TNFRSF18: variants seen among roughly 807,000 people sequenced by gnomAD.
TNFRSF18 encodes TNF receptor superfamily member 18.
Under a neutral mutation model 30.2 loss-of-function variants are expected in TNFRSF18, and 36 were observed. The ratio of observed to expected loss-of-function variants is 1.19; its 90% CI spans 0.91 to 1.58. The LOEUF (loss-of-function observed/expected upper bound fraction) is 1.58, where lower values mean the gene tolerates loss of function less well. TNFRSF18 is among the 40% of genes most tolerant of loss of function. TNFRSF18 has a pLI of 0.00. For synonymous variants in TNFRSF18, 173 were observed against 158.3 expected (o/e 1.09, Z -0.70); for missense variants, 369 against 345.4 (o/e 1.07, Z -0.54).
At chr1:1,205,338 T>C (rs1409444365) in intron 2 of TNFRSF18, 32 bp downstream of exon 2, 15 of 1,601,484 alleles carry the variant, frequency 9.4e-6, no homozygotes, top group Non-Finnish European at 1.3e-5. Flanking sequence ...CCCTGGCCTG[T>C]GTGGACTCCC....
chr1:1,206,130 C>G (rs1648812971), intron 1 of TNFRSF18, among the ~76,000 whole-genome samples: 1 of 152,202 alleles, frequency 6.6e-6, no homozygotes, highest in Admixed American at 6.5e-5. Flanking sequence ...CCTCCAGACC[C>G]CAGACCCCTC....
chr1:1,204,167 C>T lies in TNFRSF18; in HGVS notation c.468G>A (p.Gly156=), dbSNP rs201433455. 7.4e-5 allele frequency: 120 copies of T among 1,611,972 alleles called. No individual in the cohort carries two copies. The East Asian group carries it at 1.6e-3, about 22-fold the overall frequency. ...ACCCAAGCGGCTCTGCCGGCGGGGA[C>T]CCTGGGACGCACACAGCGTTGTGGG... ...NKTHNAVCVP[G]SPPAEPLGWL... The change falls in exon 4 of 5, where the codon GGG becomes GGA. Residue 156 remains glycine, a synonymous_variant. Transcript: ENST00000379268.
intron 2 of TNFRSF18, 129 bp downstream of exon 2, chr1:1,205,241 C>T (rs1267519695): frequency 1.7e-5 from 24 of 1,400,196 alleles, no homozygotes; most frequent in South Asian, 2.6e-5. Context: ...CTGGCCTGCC[C>T]GGCCTCACAG....
Position 1,206,392 on chromosome 1 carries a change from A to T in TNFRSF18, c.180T>A (p.Asp60Glu). Residue 60 changes from aspartate (D) to glutamate (E), a missense_variant, in exon 1 of 5, where the codon GAT becomes GAA. Coordinates refer to ENST00000379268, the MANE Select transcript of TNFRSF18 (RefSeq NM_004195.3). ...CRVHTTRCCRDYPGEECCSEW... is the reference protein window; with the variant it reads ...CRVHTTRCCREYPGEECCSEW... ...TAAACGCGGTTTACTTACCCGGGTA[A>T]TCGCGGCAGCAGCGCGTCGTGTGAA... 6.5e-7 allele frequency: 1 copy of T among 1,546,946 alleles called. No individual in the cohort carries two copies. The highest frequency in any genetic ancestry group is 8.7e-7 in the Non-Finnish European group (1 of 1,146,096).
chr1:1,206,354 G>T (rs543105921), intron 1 of TNFRSF18, 31 bp downstream of exon 1: 2 of 1,542,306 alleles, frequency 1.3e-6, no homozygotes, highest in South Asian at 1.2e-5. Context: ...CGCCTTGGCC[G>T]GTCCGCGTTA....
In TNFRSF18 at chr1:1,204,140, C is replaced by A; in HGVS notation, c.495G>T (p.Trp165Cys). The change falls in exon 4 of 5, where the codon TGG becomes TGT. Residue 165 changes from tryptophan to cysteine, a missense_variant. Trp to Cys is a radical substitution (Grantham distance 215, BLOSUM62 -2). Coordinates refer to ENST00000379268, the MANE Select transcript of TNFRSF18 (RefSeq NM_004195.3). ...PGSPPAEPLG[W>C]LTVVLLAVAA... ...CCACGGCCAGGAGGACGACGGTCAG[C>A]CACCCAAGCGGCTCTGCCGGCGGGG... 1 of 1,611,978 alleles carries A rather than the reference C, an allele frequency of 6.2e-7. No homozygotes were observed.
chr1:1,205,335 C>G, intron 2 of TNFRSF18, 35 bp downstream of exon 2: 2 of 1,599,982 alleles, frequency 1.3e-6, no homozygotes, highest in Non-Finnish European at 1.7e-6. Flanking sequence ...AACCCCTGGC[C>G]TGTGTGGACT....
Position 1,204,498 on chromosome 1 carries a change from TGTGGGGG to T in TNFRSF18, c.311-19_311-13del. 3.1e-6 allele frequency: 2 copies of T among 649,230 alleles called. No homozygotes were observed. Among genetic ancestry groups the T allele is most frequent in the Non-Finnish European group, 5.2e-6 (2 of 383,702 alleles). The allele number at this position is 649,230 out of a possible 1,614,324, so 40.2% of individuals were successfully genotyped here. ...AAAACTGAATTTCCCTGGTGTGGGG[TGTGGGGG>T]GAGGGAGGGAGGGAGGCTGGTGGAG... On this transcript the variant is annotated splice_polypyrimidine_tract_variant and intron_variant, in intron 2 of 4. Coordinates refer to ENST00000379268, the MANE Select transcript of TNFRSF18 (RefSeq NM_004195.3).
In TNFRSF18 at chr1:1,205,633, G is replaced by C. The variant is rs941419695; in HGVS notation, c.188-141C>G. The C allele has an allele frequency of 3.5e-6, 3 of 859,702 alleles. No homozygotes were observed. In the Admixed American group the frequency reaches 8.5e-5, roughly 24 times the overall value. The allele number at this position is 859,702 out of a possible 1,614,324, so 53.3% of individuals were successfully genotyped here. ...CAGGGAGCAGAGGGCTCCTGGCTGG[G>C]AGTCTGGACCCTGGGTTTATCCAGC... On this transcript the variant is annotated intron_variant, in intron 1 of 4. Coordinates refer to ENST00000379268, the MANE Select transcript of TNFRSF18 (RefSeq NM_004195.3).
At position 1,204,022 on chromosome 1, in the gene TNFRSF18, G is replaced by T. The variant is rs1648674638; in HGVS notation, c.601+12C>A. ...CCATGCTCCCACCTCCCCGCACCAG[G>T]CTGTGACAGACCTCGGGGCCACATG... is the stretch of plus-strand genomic sequence containing the variant. On this transcript the variant is annotated intron_variant, in intron 4 of 4. Transcript: ENST00000379268. 6.2e-7 allele frequency: 1 copy of T among 1,608,214 alleles called. No homozygotes were observed. The highest frequency in any genetic ancestry group is 1.1e-5 in the South Asian group (1 of 90,386).
In TNFRSF18 at chr1:1,203,664, G is replaced by T. The variant is rs901976461; in HGVS notation, c.*180C>A. On this transcript the variant is annotated 3_prime_UTR_variant, in exon 5 of 5. Coordinates refer to ENST00000379268, the MANE Select transcript of TNFRSF18 (RefSeq NM_004195.3). Reference sequence around the variant, plus strand: ...CTGTGTCTCTCTCTCCCTCCTGCAGGGCCCAGCCGCGGCCGCCGAACTGCA... The same window carrying T: ...CTGTGTCTCTCTCTCCCTCCTGCAGTGCCCAGCCGCGGCCGCCGAACTGCA... 4 of 1,549,186 alleles carry T rather than the reference G, an allele frequency of 2.6e-6. No individual in the cohort carries two copies. Among genetic ancestry groups the T allele is most frequent in the Non-Finnish European group, 2.6e-6 (3 of 1,155,496 alleles).
At position 1,204,433 on chromosome 1, in the gene TNFRSF18, C is replaced by G. The variant is rs371599555; in HGVS notation, c.364G>C (p.Gly122Arg). The stretch of plus-strand genomic sequence containing the variant: ...GGTTTGCAGTGGCCTTCGTGGCCCC[C>G]GGAGAAGGTCCCCGAGGCACAGTCG... ...CIDCASGTFS[G>R]GHEGHCKPWT... is the part of the protein sequence containing the mutation. Residue 122 changes from glycine to arginine, a missense_variant, in exon 3 of 5, where the codon GGG becomes CGG. Physicochemically the swap from Gly to Arg is moderately radical, Grantham distance 125 (BLOSUM62 -2). Transcript: ENST00000379268. The G allele has an allele frequency of 5.9e-6, 9 of 1,523,622 alleles. No individual in the cohort carries two copies. Among genetic ancestry groups the G allele is most frequent in the Non-Finnish European group, 8.0e-6 (9 of 1,123,084 alleles). 94.4% of individuals were successfully genotyped at this position (1,523,622 alleles called of 1,614,324 possible).
intron 2 of TNFRSF18, 122 bp from the exon 3 acceptor site, chr1:1,204,608 C>A: frequency 1.4e-6 from 1 of 730,768 alleles, no homozygotes; most frequent in Non-Finnish European, 2.4e-6. Context: ...GAATGCCCCC[C>A]CCATCATCCA....
In TNFRSF18 at chr1:1,203,988, A is replaced by G. The variant is rs773956751; in HGVS notation, c.602-20T>C. 2.5e-6 allele frequency: 4 copies of G among 1,606,870 alleles called. No homozygotes were observed. In the South Asian group the frequency reaches 4.4e-5, roughly 18 times the overall value. On this transcript the variant is annotated intron_variant, in intron 4 of 4. Transcript: ENST00000379268. The stretch of plus-strand genomic sequence containing the variant: ...GGGTCTCTGCAGGGGGGCCACGGTC[A>G]GCAGGCAGCCATGCTCCCACCTCCC...
chr1:1,204,499 GT>G lies in TNFRSF18; in HGVS notation c.311-14del. On this transcript the variant is annotated splice_polypyrimidine_tract_variant and intron_variant, in intron 2 of 4. Coordinates refer to ENST00000379268, the MANE Select transcript of TNFRSF18 (RefSeq NM_004195.3). ...AAACTGAATTTCCCTGGTGTGGGGT[GT>G]GGGGGGAGGGAGGGAGGGAGGCTGG... 3 of 1,569,662 alleles carry G rather than the reference GT, an allele frequency of 1.9e-6. No individual in the cohort carries two copies. Among genetic ancestry groups the G allele is most frequent in the African/African-American group, 1.3e-5 (1 of 74,172 alleles).
In TNFRSF18 at chr1:1,203,961, C is replaced by G. The variant is rs753121524; in HGVS notation, c.609G>C (p.Gln203His). ...TCGACGGCGGCACCTCCAGCAGCAG[C>G]TGGGTCTCTGCAGGGGGGCCACGGT... is the stretch of plus-strand genomic sequence containing the variant. ...RSQCMWPRET[Q>H]LLLEVPPSTE... Residue 203 changes from glutamine to histidine, a missense_variant, in exon 5 of 5, where the codon CAG (glutamine) becomes CAC (histidine). Physicochemically the swap from Gln to His is conservative, Grantham distance 24. Coordinates refer to ENST00000379268, the MANE Select transcript of TNFRSF18 (RefSeq NM_004195.3). 1 of 1,607,234 alleles carries G rather than the reference C, an allele frequency of 6.2e-7. No individual in the cohort carries two copies.
chr1:1,205,759 C>A, intron 1 of TNFRSF18: 1 of 480,064 alleles, frequency 2.1e-6, no homozygotes, highest in Non-Finnish European at 3.8e-6. Context: ...AGGAGCTGCC[C>A]CTGCAGGACC....
rs186888429 is a variant in TNFRSF18, at chr1:1,205,115, G to A, written c.310+255C>T. Among the ~76,000 whole-genome samples, 61 of 151,920 alleles carry A rather than the reference G, an allele frequency of 4.0e-4. 1 individual carries two copies. The highest frequency in any genetic ancestry group is 1.3e-3 in the African/African-American group (52 of 41,450). ...GAGAGCCAGACAGCTCCTGGAACCCGCCCCCACCTCCCCGCAGGGTTCTCA... is the reference window on the plus strand; with the variant it reads ...GAGAGCCAGACAGCTCCTGGAACCCACCCCCACCTCCCCGCAGGGTTCTCA... On this transcript the variant is annotated intron_variant, in intron 2 of 4. Transcript: ENST00000379268.
At position 1,203,746 on chromosome 1, in the gene TNFRSF18, G is replaced by A. The variant is rs774441723; in HGVS notation, c.*98C>T. The A allele has an allele frequency of 6.4e-7, 1 of 1,558,966 alleles. No homozygotes were observed. Among genetic ancestry groups the A allele is most frequent in the Non-Finnish European group, 8.6e-7 (1 of 1,158,006 alleles). ...TGCACCCACTTCTGCTGCCAGGGGA[G>A]CAGGGCCCGGCCCAGAGCAGAACGC... On this transcript the variant is annotated 3_prime_UTR_variant, in exon 5 of 5. Transcript: ENST00000379268.
Sources: allele counts gnomAD v4.1 joint callset (sites outside exome capture counted in the v4.1 genomes callset), GRCh38; gene constraint gnomAD v4.1.1; transcripts MANE v1.5; gene names NCBI Gene and HGNC (gene_info 2026-07-23, HGNC 2026-07-21).